Variants in PRKAG2 observed in about 807,000 individuals in gnomAD.
The protein encoded by PRKAG2 is protein kinase AMP-activated non-catalytic subunit gamma 2, also known as 5'-AMP-activated protein kinase subunit gamma-2.
PRKAG2 carries 26 observed loss-of-function variants against 69.6 expected under a neutral mutation model. The observed-to-expected ratio is 0.37, with a 90% confidence interval of 0.27 to 0.52. The LOEUF is 0.52. Ranked by LOEUF, PRKAG2 falls within the 20% of genes least tolerant of loss-of-function variation. The probability of loss-of-function intolerance (pLI) is 0.90; values close to 1 mark genes in which losing one functional copy is unlikely to be tolerated. For missense variants in PRKAG2, 557 were observed against 740.0 expected (o/e 0.75, Z 2.87); for synonymous variants, 293 against 285.0 (o/e 1.03, Z -0.28).
At chr7:151,658,831 C>T (rs897223779) in intron 4 of PRKAG2, among the ~76,000 whole-genome samples, 3 of 152,156 alleles carry the variant, frequency 2.0e-5, no homozygotes, top group Non-Finnish European at 4.4e-5. Context: ...TATTATTTGA[C>T]TGGTGCCCAT....
Position 151,781,340 on chromosome 7 carries a change from A to G in PRKAG2, c.278T>C (p.Val93Ala), listed in dbSNP as rs2076656944. 2 of 1,613,862 alleles carry G rather than the reference A, an allele frequency of 1.2e-6. No individual in the cohort carries two copies. The highest frequency in any genetic ancestry group is 1.7e-6 in the Non-Finnish European group (2 of 1,179,958). Residue 93 changes from valine (V) to alanine (A), a missense_variant, in exon 3 of 16, where the codon GTG (valine) becomes GCG (alanine). Transcript: ENST00000287878. This position sits in a 1 kb window ranked among gnomAD's most constrained non-coding sequence, Gnocchi z 6.1. ...PRPSSPMSAP[V>A]RPKTSPGSPK... ...AGAGCCGGGGCTGGTCTTGGGCCTC[A>G]CAGGTGCAGACATGGGGCTGGAGGG...
chr7:151,864,180 G>C (rs1209015931), intron 1 of PRKAG2, among the ~76,000 whole-genome samples: 1 of 152,204 alleles, frequency 6.6e-6, no homozygotes. Flanking sequence ...AGGCATCTCA[G>C]GCAGAAAGCC....
intron 4 of PRKAG2, chr7:151,633,285 T>C (rs1825133029): frequency 6.6e-6 from 1 of 152,166 alleles, no homozygotes; most frequent in Non-Finnish European, 1.5e-5. Context: ...TGTTTCATGG[T>C]AAAAAGCTAC....
intron 5 of PRKAG2, among the ~76,000 whole-genome samples, chr7:151,611,756 T>C (rs1376743217): frequency 6.6e-6 from 1 of 152,022 alleles, no homozygotes; most frequent in Non-Finnish European, 1.5e-5. Flanking sequence ...ATTAAGATGG[T>C]AAAAAAGCAG....
Position 151,632,064 on chromosome 7 carries a change from C to T in PRKAG2, c.754+5G>A. 1 of 1,391,316 alleles carries T rather than the reference C, an allele frequency of 7.2e-7. No individual in the cohort carries two copies. Among genetic ancestry groups the T allele is most frequent in the Non-Finnish European group, 9.4e-7 (1 of 1,058,504 alleles). The allele number at this position is 1,391,316 out of a possible 1,614,324, so 86.2% of individuals were successfully genotyped here. The stretch of plus-strand genomic sequence containing the variant: ...CCGGGCCGGCAGCGGGCGGGGCGCA[C>T]TCACCTTCGTCCTCGAACTCCAGCT... On this transcript the variant is annotated splice_donor_5th_base_variant and intron_variant, in intron 5 of 15. Coordinates refer to ENST00000287878, the MANE Select transcript of PRKAG2 (RefSeq NM_016203.4). The surrounding 1 kb of genome is among the most constrained non-coding windows in gnomAD (Gnocchi z 4.2).
chr7:151,773,045 GAGAGA>G (rs1563639930), intron 3 of PRKAG2, among the ~76,000 whole-genome samples: 5 of 48,124 alleles, frequency 1.0e-4, no homozygotes, highest in Non-Finnish European at 1.5e-4. Context: ...GAGAGAGAGA[GAGAGA>G]GAGGGAGGGA....
intron 3 of PRKAG2, among the ~76,000 whole-genome samples, chr7:151,729,301 T>C (rs1798533950): frequency 6.6e-6 from 1 of 151,930 alleles, no homozygotes. Flanking sequence ...AGACCCATCC[T>C]CACAAACAAG....
At position 151,632,198 on chromosome 7, in the gene PRKAG2, G is replaced by T. The variant is rs1341471830; in HGVS notation, c.685-60C>A. On this transcript the variant is annotated intron_variant, in intron 4 of 15. Coordinates refer to ENST00000287878, the MANE Select transcript of PRKAG2 (RefSeq NM_016203.4). This position sits in a 1 kb window ranked among gnomAD's most constrained non-coding sequence, Gnocchi z 4.2. ...GCTGCGACGCTCGTCCCCGGCCGGC[G>T]GGCTCGCGGCCGGCCGAGCGCTGGG... The T allele has an allele frequency of 1.1e-5, 13 of 1,186,584 alleles. No homozygotes were observed. Among genetic ancestry groups the T allele is most frequent in the African/African-American group, 1.6e-5 (1 of 62,158 alleles). 73.5% of individuals were successfully genotyped at this position (1,186,584 alleles called of 1,614,324 possible). A position where few individuals can be genotyped will look rare whatever the true frequency, so the allele number is the denominator to read the frequency against.
chr7:151,814,711 A>G lies in PRKAG2; in HGVS notation c.115-28170T>C. On this transcript the variant is annotated intron_variant, in intron 1 of 15. Transcript: ENST00000287878. The surrounding 1 kb of genome is among the most constrained non-coding windows in gnomAD (Gnocchi z 4.8). ...CAAGGCAGCGCAACAAGCGGCTGGC[A>G]GACAGCATGGGCTGGCCTAAGACAG... The G allele has an allele frequency of 8.1e-7, 1 of 1,231,762 alleles. No individual in the cohort carries two copies. The highest frequency in any genetic ancestry group is 3.1e-4 in the Middle Eastern group (1 of 3,210). The allele number at this position is 1,231,762 out of a possible 1,614,324, so 76.3% of individuals were successfully genotyped here. A position where few individuals can be genotyped will look rare whatever the true frequency, so the allele number is the denominator to read the frequency against.
At chr7:151,558,954 G>C in intron 15 of PRKAG2, 1 of 985,440 alleles carries the variant, frequency 1.0e-6, no homozygotes. Flanking sequence ...TGCCCAAAGA[G>C]ACAGACAAGA....
chr7:151,605,815 G>A (rs1817399792), intron 5 of PRKAG2, among the ~76,000 whole-genome samples: 2 of 151,904 alleles, frequency 1.3e-5, no homozygotes, highest in South Asian at 4.2e-4. Flanking sequence ...GCACGCACCT[G>A]TAATCCCAGC....
intron 3 of PRKAG2, among the ~76,000 whole-genome samples, chr7:151,682,329 C>T (rs899587009): frequency 6.6e-6 from 1 of 152,162 alleles, no homozygotes; most frequent in Non-Finnish European, 1.5e-5. Flanking sequence ...CAGCCTCAAA[C>T]TCCTGGGCTC....
At chr7:151,768,482 T>C (rs1586394061) in intron 3 of PRKAG2, among the ~76,000 whole-genome samples, 4 of 151,372 alleles carry the variant, frequency 2.6e-5, no homozygotes, top group African/African-American at 9.7e-5. Context: ...TTTTTTTTTC[T>C]GGAGATAGAG....
At chr7:151,825,145 T>C (rs1586673722) in intron 1 of PRKAG2, among the ~76,000 whole-genome samples, 1 of 151,782 alleles carries the variant, frequency 6.6e-6, no homozygotes, top group Admixed American at 6.6e-5. Context: ...ACCCAGGAGG[T>C]AGAGGTTGCA....
intron 1 of PRKAG2, among the ~76,000 whole-genome samples, chr7:151,847,051 G>A (rs540425944): frequency 6.6e-6 from 1 of 152,346 alleles, no homozygotes; most frequent in South Asian, 2.1e-4. Flanking sequence ...CTAGGTAAAT[G>A]CTCTCGGCCT....
At chr7:151,759,149 T>C (rs2075273712) in intron 3 of PRKAG2, among the ~76,000 whole-genome samples, 1 of 152,192 alleles carries the variant, frequency 6.6e-6, no homozygotes. Context: ...TACTTGGTTC[T>C]GGCCACATTG....
chr7:151,610,639 T>C (rs2151213177), intron 5 of PRKAG2, among the ~76,000 whole-genome samples: 1 of 151,492 alleles, frequency 6.6e-6, no homozygotes, highest in East Asian at 2.0e-4. Flanking sequence ...ATCGCGCCAC[T>C]GCACTCCAGC....
chr7:151,865,700 G>C (rs2080048068), intron 1 of PRKAG2, among the ~76,000 whole-genome samples: 1 of 152,244 alleles, frequency 6.6e-6, no homozygotes, highest in African/African-American at 2.4e-5. Flanking sequence ...AACTGAGAAA[G>C]AAGAACCAGA....
intron 5 of PRKAG2, among the ~76,000 whole-genome samples, chr7:151,599,014 G>A (rs1815337655): frequency 6.6e-6 from 1 of 151,960 alleles, no homozygotes; most frequent in Non-Finnish European, 1.5e-5. Context: ...ATCACACCTG[G>A]CTAATATTTG....
Sources: gnomAD v4.1 joint callset for allele counts (sites outside exome capture counted in the v4.1 genomes callset) on GRCh38, gnomAD v4.1.1 for gene constraint, Gnocchi (gnomAD v3.1) non-coding constraint, MANE v1.5 for transcripts, NCBI Gene and HGNC (gene_info 2026-07-23, HGNC 2026-07-21) for gene names.